CELF2: variants seen among roughly 807,000 people sequenced by gnomAD.
The protein encoded by CELF2 is CUGBP Elav-like family member 2, also known as CUG triplet repeat RNA-binding protein 2.
CELF2 carries 8 observed loss-of-function variants against 62.6 expected under a neutral mutation model. The ratio of observed to expected loss-of-function variants is 0.13; its 90% CI spans 0.07 to 0.23. The LOEUF (loss-of-function observed/expected upper bound fraction) is 0.23, where lower values mean the gene tolerates loss of function less well. Among genes scored for constraint, CELF2 ranks in the 10% least tolerant of loss-of-function variants. CELF2 has a pLI of 1.00. For synonymous variants in CELF2, 258 were observed against 250.0 expected, an observed-to-expected ratio of 1.03 and a Z score of -0.30; for missense variants, 333 against 671.0, an observed-to-expected ratio of 0.50 and a Z score of 5.56.
In CELF2 at chr10:11,305,538, T is replaced by TA. The variant is rs1486837745; in HGVS notation, c.977-8600dup. On this transcript the variant is annotated intron_variant, in intron 9 of 12. Coordinates refer to ENST00000633077, the MANE Select transcript of CELF2 (RefSeq NM_001326342.2). The surrounding 1 kb of genome is among the most constrained non-coding windows in gnomAD (Gnocchi z 4.8). The stretch of plus-strand genomic sequence containing the variant: ...GTCTGAAAGATGTCCTATTACCTGT[T>TA]ATTGTCAGTGGGATTAGGAAGAGAA... 2.6e-5 allele frequency among the ~76,000 whole-genome samples: 4 copies of TA among 152,228 alleles called. No homozygotes were observed. The highest frequency in any genetic ancestry group is 9.6e-5 in the African/African-American group (4 of 41,454).
At chr10:11,122,201 A>C (rs1361699941) in intron 1 of CELF2, among the ~76,000 whole-genome samples, 1 of 152,216 alleles carries the variant, frequency 6.6e-6, no homozygotes, top group Non-Finnish European at 1.5e-5. Flanking sequence ...GGATCTCTGC[A>C]GCAAGGCCTC....
At chr10:10,676,487 G>A in the CELF2 span, among the ~76,000 whole-genome samples, 2 of 152,210 alleles carry the variant, frequency 1.3e-5, no homozygotes, top group African/African-American at 2.4e-5. Flanking sequence ...CCCCATGCCA[G>A]AAGCAAAGCA....
At chr10:11,210,254 C>T (rs917272343) in intron 2 of CELF2, among the ~76,000 whole-genome samples, 2 of 152,084 alleles carry the variant, frequency 1.3e-5, no homozygotes, top group Admixed American at 1.3e-4. Context: ...CAGTCTGGGG[C>T]TGCTTTCAAG....
the CELF2 span, among the ~76,000 whole-genome samples, chr10:10,718,645 G>A: frequency 3.0e-5 from 4 of 131,696 alleles, no homozygotes; most frequent in Non-Finnish European, 6.5e-5. Flanking sequence ...AAAAAAAAAA[G>A]TTTGGCTGAA....
the CELF2 span, among the ~76,000 whole-genome samples, chr10:10,515,009 G>T: frequency 6.6e-6 from 1 of 152,164 alleles, no homozygotes; most frequent in Non-Finnish European, 1.5e-5. Flanking sequence ...TATATAACAG[G>T]TTATGTAAAT....
rs1282323091 is a variant in CELF2 at position 10,993,401 on chromosome 10, A to C, written c.89+73402A>C. ...CACTTTCAGGGCAGGTGATATTTGA[A>C]CTGCAACTGTAAGGATGAGCAGGAG... On this transcript the variant is annotated intron_variant, in intron 2 of 13. Transcript: ENST00000636488. This position sits in a 1 kb window ranked among gnomAD's most constrained non-coding sequence, Gnocchi z 5.3. Among the ~76,000 whole-genome samples the C allele has an allele frequency of 6.6e-6, 1 of 152,122 alleles. No individual in the cohort carries two copies. The highest frequency in any genetic ancestry group is 1.5e-5 in the Non-Finnish European group (1 of 68,016).
At chr10:10,852,639 A>T (rs550757920) in intron 1 of CELF2, among the ~76,000 whole-genome samples, 17 of 152,324 alleles carry the variant, frequency 1.1e-4, no homozygotes, top group African/African-American at 4.1e-4. Context: ...CGATCCATGG[A>T]TTGAATCACT....
At chr10:11,294,994 A>G (rs959752598) in intron 9 of CELF2, among the ~76,000 whole-genome samples, 2 of 73,758 alleles carry the variant, frequency 2.7e-5, no homozygotes, top group African/African-American at 5.6e-5. Context: ...ACTTGTTTAC[A>G]CTCTTATTGC....
chr10:11,098,755 C>CT lies in CELF2; in HGVS notation c.75-66728dup, dbSNP rs1199462672. ...TTCTGTAAACTGCGGCCACTTTGTC[C>CT]TTTATCTGTGTGGTTAATTTCTATG... On this transcript the variant is annotated intron_variant, in intron 1 of 12. Transcript: ENST00000633077. This position sits in a 1 kb window ranked among gnomAD's most constrained non-coding sequence, Gnocchi z 4.0. Among the ~76,000 whole-genome samples, 1 of 152,176 alleles carries CT rather than the reference C, an allele frequency of 6.6e-6. No individual in the cohort carries two copies. The highest frequency in any genetic ancestry group is 1.5e-5 in the Non-Finnish European group (1 of 68,032).
At chr10:10,716,141 G>A in the CELF2 span, among the ~76,000 whole-genome samples, 5 of 152,160 alleles carry the variant, frequency 3.3e-5, no homozygotes, top group East Asian at 1.9e-4. Flanking sequence ...TCCTGATACC[G>A]TCAGCAATTG....
the CELF2 span, among the ~76,000 whole-genome samples, chr10:10,736,397 T>TTTCTTTCTTTC: frequency 0.03 from 1,643 of 55,084 alleles, 14 homozygotes; most frequent in South Asian, 0.054. Context: ...TCTTTCTTTC[T>TTTCTTTCTTTC]TTTTTTTTTT....
At chr10:10,783,381 G>A in the CELF2 span, among the ~76,000 whole-genome samples, 1 of 152,132 alleles carries the variant, frequency 6.6e-6, no homozygotes, top group Non-Finnish European at 1.5e-5. Flanking sequence ...CCACAGAGGA[G>A]ATGGCCATCT....
the CELF2 span, among the ~76,000 whole-genome samples, chr10:10,575,177 C>T: frequency 2.0e-5 from 3 of 152,130 alleles, no homozygotes; most frequent in Admixed American, 2.0e-4. Flanking sequence ...TGGTGTTTCA[C>T]TGAGCCTGTT....
chr10:10,611,091 A>G, the CELF2 span, among the ~76,000 whole-genome samples: 1 of 152,072 alleles, frequency 6.6e-6, no homozygotes, highest in East Asian at 1.9e-4. Flanking sequence ...TTGGAGAGCA[A>G]CCCTGTAGTG....
At chr10:10,727,933 G>C in the CELF2 span, among the ~76,000 whole-genome samples, 1 of 151,948 alleles carries the variant, frequency 6.6e-6, no homozygotes, top group Non-Finnish European at 1.5e-5. Context: ...GGAGCTGCTG[G>C]GGACACAAAG....
At chr10:11,229,027 G>A (rs2067650054) in intron 3 of CELF2, among the ~76,000 whole-genome samples, 1 of 152,156 alleles carries the variant, frequency 6.6e-6, no homozygotes, top group Non-Finnish European at 1.5e-5. Context: ...GACCCTAGAA[G>A]CACGTCCTGT....
At chr10:10,620,505 C>T in the CELF2 span, among the ~76,000 whole-genome samples, 6 of 150,598 alleles carry the variant, frequency 4.0e-5, no homozygotes, top group African/African-American at 1.5e-4. Flanking sequence ...AACCATATGG[C>T]CCACGAAGTG....
At chr10:10,864,676 G>A (rs10905849) in intron 1 of CELF2, among the ~76,000 whole-genome samples, 3 of 151,836 alleles carry the variant, frequency 2.0e-5, no homozygotes, top group South Asian at 2.1e-4. Context: ...TCCACTCTCC[G>A]TACCTCTTCT....
chr10:10,852,451 G>T (rs1057038498), intron 1 of CELF2, among the ~76,000 whole-genome samples: 1 of 152,178 alleles, frequency 6.6e-6, no homozygotes, highest in South Asian at 2.1e-4. Flanking sequence ...GCTGGAAGGG[G>T]CATGGGAGAA....
Sources: gnomAD v4.1 joint callset for allele counts (sites outside exome capture counted in the v4.1 genomes callset) on GRCh38, gnomAD v4.1.1 for gene constraint, Gnocchi (gnomAD v3.1) non-coding constraint, MANE v1.5 for transcripts, NCBI Gene and HGNC (gene_info 2026-07-23, HGNC 2026-07-21) for gene names.